The following KCNIP3 variants were observed in gnomAD, a reference collection of about 807,000 sequenced individuals.
The protein encoded by KCNIP3 is potassium voltage-gated channel interacting protein 3.
A neutral mutation model predicts 35.0 loss-of-function variants in KCNIP3; 28 were observed. That is an observed-to-expected ratio of 0.80 (90% CI 0.59 to 1.10). The LOEUF (loss-of-function observed/expected upper bound fraction) is 1.10, where lower values mean the gene tolerates loss of function less well. Among genes scored for constraint, KCNIP3 ranks in the 50% least tolerant of loss-of-function variants. The pLI, the probability that KCNIP3 is intolerant of heterozygous loss-of-function variation, is 0.00. For missense variants in KCNIP3, 295 were observed against 338.4 expected (o/e 0.87, Z 1.01); for synonymous variants, 134 against 133.8 (o/e 1.00, Z -0.01).
intron 2 of KCNIP3, among the ~76,000 whole-genome samples, chr2:95,372,361 G>C (rs531555667): frequency 2.6e-5 from 4 of 152,218 alleles, no homozygotes; most frequent in Non-Finnish European, 5.9e-5. Flanking sequence ...AAATGCTGTT[G>C]CTGTGAGCAT....
chr2:95,363,476 T>C (rs1272264605), intron 2 of KCNIP3, among the ~76,000 whole-genome samples: 1 of 152,238 alleles, frequency 6.6e-6, no homozygotes, highest in Non-Finnish European at 1.5e-5. Flanking sequence ...GTACCAACCA[T>C]ACAATTTTTA....
chr2:95,374,982 C>A (rs912787304), intron 4 of KCNIP3, 65 bp downstream of exon 4: 2 of 1,566,348 alleles, frequency 1.3e-6, no homozygotes, highest in Admixed American at 3.3e-5. Flanking sequence ...TCCTGCTGCC[C>A]CTTGCATCCT....
intron 2 of KCNIP3, among the ~76,000 whole-genome samples, chr2:95,348,496 C>T (rs1167734569): frequency 6.6e-6 from 1 of 152,188 alleles, no homozygotes; most frequent in Non-Finnish European, 1.5e-5. Context: ...TGTGATCTCT[C>T]CATTGCTCTT....
intron 1 of KCNIP3, among the ~76,000 whole-genome samples, chr2:95,308,207 C>T (rs1373792728): frequency 1.3e-5 from 2 of 152,350 alleles, no homozygotes; most frequent in African/African-American, 4.8e-5. Context: ...CCCAGCTCTC[C>T]CCCTGTTTCT....
At chr2:95,354,473 G>A (rs1679606043) in intron 2 of KCNIP3, among the ~76,000 whole-genome samples, 1 of 152,168 alleles carries the variant, frequency 6.6e-6, no homozygotes, top group African/African-American at 2.4e-5. Context: ...TCTGGCTGGG[G>A]CGGAGGCAGG....
At chr2:95,306,291 C>A (rs751174902) in intron 1 of KCNIP3, among the ~76,000 whole-genome samples, 34 of 152,374 alleles carry the variant, frequency 2.2e-4, no homozygotes, top group Non-Finnish European at 4.6e-4. Flanking sequence ...CGTGTCCTCT[C>A]TGGTGAAATG....
intron 2 of KCNIP3, among the ~76,000 whole-genome samples, chr2:95,314,428 C>A (rs1250647203): frequency 6.6e-6 from 1 of 152,164 alleles, no homozygotes. Context: ...ATTAAAGCCA[C>A]AAAGATGTGG....
At chr2:95,297,790 G>A (rs781209626) in intron 1 of KCNIP3, among the ~76,000 whole-genome samples, 5 of 152,122 alleles carry the variant, frequency 3.3e-5, no homozygotes, top group East Asian at 1.9e-4. Context: ...GTCAGCCCAC[G>A]ACTCATCCTG....
chr2:95,325,799 A>G (rs1301236857), intron 2 of KCNIP3, among the ~76,000 whole-genome samples: 1 of 151,306 alleles, frequency 6.6e-6, no homozygotes, highest in Non-Finnish European at 1.5e-5. Flanking sequence ...ACACTCATAC[A>G]CACATACACT....
intron 2 of KCNIP3, among the ~76,000 whole-genome samples, chr2:95,337,246 C>T (rs1679083418): frequency 6.6e-6 from 1 of 152,080 alleles, no homozygotes; most frequent in African/African-American, 2.4e-5. Context: ...CAGTGCGATT[C>T]TCTTTTCTCG....
chr2:95,307,807 G>A (rs552805556), intron 1 of KCNIP3, among the ~76,000 whole-genome samples: 53 of 152,296 alleles, frequency 3.5e-4, no homozygotes, highest in African/African-American at 2.4e-4. Context: ...CTCCGAGGCC[G>A]CCTCAGTTTC....
At chr2:95,333,762 G>A (rs960262674) in intron 2 of KCNIP3, among the ~76,000 whole-genome samples, 11 of 152,182 alleles carry the variant, frequency 7.2e-5, no homozygotes, top group Non-Finnish European at 1.2e-4. Flanking sequence ...CTCACTGAAC[G>A]CAGAGGGCAT....
intron 2 of KCNIP3, among the ~76,000 whole-genome samples, chr2:95,366,318 G>A (rs778409139): frequency 2.0e-5 from 3 of 152,166 alleles, no homozygotes; most frequent in Non-Finnish European, 4.4e-5. Flanking sequence ...TCTGGAGTCT[G>A]GACTCTTTCA....
intron 2 of KCNIP3, among the ~76,000 whole-genome samples, chr2:95,357,365 G>A (rs1438433189): frequency 2.0e-5 from 3 of 152,190 alleles, no homozygotes; most frequent in Non-Finnish European, 4.4e-5. Context: ...CCCCGGCCTG[G>A]GACAGGGGTA....
Position 95,384,314 on chromosome 2 carries a change from G to T in KCNIP3, c.*265G>T. The T allele has an allele frequency of 1.9e-6, 1 of 525,886 alleles. No individual in the cohort carries two copies. Among genetic ancestry groups the T allele is most frequent in the Non-Finnish European group, 3.4e-6 (1 of 292,630 alleles). The allele number at this position is 525,886 out of a possible 1,614,324, so 32.6% of individuals were successfully genotyped here. On this transcript the variant is annotated 3_prime_UTR_variant, in exon 9 of 9. Coordinates refer to ENST00000295225, the MANE Select transcript of KCNIP3 (RefSeq NM_013434.5). ...AGCCCTTCCCAGGCCAGCGAGGCGA[G>T]GCTGCCTCTGGGTGAGTGGCTGACA...
In KCNIP3 at chr2:95,297,372, C is replaced by T. The variant is rs1677888541; in HGVS notation, c.-67C>T. 6.6e-7 allele frequency: 1 copy of T among 1,522,088 alleles called. No homozygotes were observed. 94.3% of individuals were successfully genotyped at this position (1,522,088 alleles called of 1,614,324 possible). On this transcript the variant is annotated 5_prime_UTR_variant, in exon 1 of 9. Coordinates refer to ENST00000295225, the MANE Select transcript of KCNIP3 (RefSeq NM_013434.5). ...AAACATGAGGCAGCTGCCAGCCGGC[C>T]TGGGCAGTCTTGTCTGCCTCGGCTG...
chr2:95,322,131 G>A (rs1467086578), intron 2 of KCNIP3, among the ~76,000 whole-genome samples: 1 of 152,154 alleles, frequency 6.6e-6, no homozygotes, highest in African/African-American at 2.4e-5. Context: ...TTGGGAGGTC[G>A]AGGTGGGCAG....
At position 95,297,368 on chromosome 2, in the gene KCNIP3, C is replaced by G. The variant is rs547120754; in HGVS notation, c.-71C>G. 1 of 1,501,100 alleles carries G rather than the reference C, an allele frequency of 6.7e-7. No individual in the cohort carries two copies. Among genetic ancestry groups the G allele is most frequent in the South Asian group, 1.2e-5 (1 of 82,668 alleles). 93.0% of individuals were successfully genotyped at this position (1,501,100 alleles called of 1,614,324 possible). A position where few individuals can be genotyped will look rare whatever the true frequency, so the allele number is the denominator to read the frequency against. On this transcript the variant is annotated 5_prime_UTR_variant, in exon 1 of 9. Coordinates refer to ENST00000295225, the MANE Select transcript of KCNIP3 (RefSeq NM_013434.5). ...AAGCAAACATGAGGCAGCTGCCAGC[C>G]GGCCTGGGCAGTCTTGTCTGCCTCG...
At chr2:95,343,909 A>G (rs1479981646) in intron 2 of KCNIP3, among the ~76,000 whole-genome samples, 1 of 151,928 alleles carries the variant, frequency 6.6e-6, no homozygotes, top group East Asian at 1.9e-4. Context: ...CCCCAAAGCA[A>G]TTTCCTCTGA....
Sources: gnomAD v4.1 joint callset for allele counts (sites outside exome capture counted in the v4.1 genomes callset) on GRCh38, gnomAD v4.1.1 for gene constraint, MANE v1.5 for transcripts, NCBI Gene and HGNC (gene_info 2026-07-23, HGNC 2026-07-21) for gene names.